The following TMC5 variants were observed in gnomAD, a reference collection of about 807,000 sequenced individuals.
The protein encoded by TMC5 is transmembrane channel like 5.
A neutral mutation model predicts 110.5 loss-of-function variants in TMC5; 86 were observed. The ratio of observed to expected loss-of-function variants is 0.78; its 90% confidence interval spans 0.65 to 0.93. The LOEUF (loss-of-function observed/expected upper bound fraction) is 0.93, where lower values mean the gene tolerates loss of function less well. Among genes scored for constraint, TMC5 ranks in the 40% least tolerant of loss-of-function variants. The pLI is 0.00. For synonymous variants in TMC5, 455 were observed against 439.5 expected (o/e 1.04, Z -0.44); for missense variants, 1,144 against 1,222.8 (o/e 0.94, Z 0.96).
chr16:19,431,148 C>T (rs1967187484), intron 2 of TMC5, among the ~76,000 whole-genome samples: 1 of 152,148 alleles, frequency 6.6e-6, no homozygotes, highest in South Asian at 2.1e-4. Flanking sequence ...AGGGATCTTA[C>T]ATTATTTACA....
Position 19,449,569 on chromosome 16 carries a change from G to A in TMC5, c.986G>A (p.Gly329Asp), listed in dbSNP as rs780919439. 6.2e-7 allele frequency: 1 copy of A among 1,614,090 alleles called. No individual in the cohort carries two copies. The highest frequency in any genetic ancestry group is 2.2e-5 in the East Asian group (1 of 44,878). The change falls in exon 5 of 22, where the codon GGT becomes GAT. Residue 329 changes from glycine (G) to aspartate (D), a missense_variant. Coordinates refer to ENST00000542583, the MANE Select transcript of TMC5 (RefSeq NM_001261841.2). ...AACCCTGCTTATGTAGGTGAAAGTG[G>A]TCCTGTCCATGCTTATGGAAACCCA... Reference protein sequence around the residue: ...YVNPAYVGESGPVHAYGNPPL... With the variant: ...YVNPAYVGESDPVHAYGNPPL...
At chr16:19,457,486 T>C (rs560015123) in intron 5 of TMC5, among the ~76,000 whole-genome samples, 1 of 152,184 alleles carries the variant, frequency 6.6e-6, no homozygotes, top group African/African-American at 2.4e-5. Flanking sequence ...ATTTAAGACA[T>C]CCCTAACAAG....
chr16:19,497,996 A>G lies in TMC5; in HGVS notation c.*30A>G, dbSNP rs1417530276. The G allele has an allele frequency of 6.2e-7, 1 of 1,605,764 alleles. No homozygotes were observed. Among genetic ancestry groups the G allele is most frequent in the Non-Finnish European group, 8.5e-7 (1 of 1,172,438 alleles). On this transcript the variant is annotated 3_prime_UTR_variant, in exon 22 of 22. Transcript: ENST00000542583. ...TCTTTTGGTAACCAGACACCAATCA[A>G]ATAAGGGGAGGAGACGAAAATGGAA...
intron 2 of TMC5, among the ~76,000 whole-genome samples, chr16:19,436,728 G>A (rs1398423818): frequency 6.6e-6 from 1 of 152,136 alleles, no homozygotes; most frequent in Non-Finnish European, 1.5e-5. Flanking sequence ...TTCAGGTTTG[G>A]CTGGATTCAG....
intron 5 of TMC5, among the ~76,000 whole-genome samples, chr16:19,454,876 C>T (rs1415758642): frequency 6.6e-6 from 1 of 152,184 alleles, no homozygotes. Context: ...CAATGGTTCA[C>T]ACCTGTAATC....
At chr16:19,484,066 G>C (rs558272591) in intron 15 of TMC5, among the ~76,000 whole-genome samples, 100 of 146,242 alleles carry the variant, frequency 6.8e-4, no homozygotes, top group African/African-American at 2.5e-3. Context: ...TGGGCGACAA[G>C]AGTGAAACTC....
At chr16:19,411,389 A>T (rs1253010526) in intron 1 of TMC5, 1 of 152,110 alleles carries the variant, frequency 6.6e-6, no homozygotes. Flanking sequence ...TAAATGTTAG[A>T]TGTTGTTATT....
At position 19,481,804 on chromosome 16, in the gene TMC5, C is replaced by A. The variant is rs570793465; in HGVS notation, c.2363+339C>A. On this transcript the variant is annotated intron_variant, in intron 15 of 21. Transcript: ENST00000542583. The stretch of plus-strand genomic sequence containing the variant: ...CTCCCCTCAAATTCATATGTTGAAA[C>A]CTTACTTCCAATGTGATGGAGGTGG... Among the ~76,000 whole-genome samples, 13 of 152,222 alleles carry A rather than the reference C, an allele frequency of 8.5e-5. 1 individual carries two copies. In the South Asian group the frequency reaches 2.3e-3, roughly 27 times the overall value.
At chr16:19,484,855 AAC>A (rs1471900652) in intron 15 of TMC5, among the ~76,000 whole-genome samples, 2 of 151,966 alleles carry the variant, frequency 1.3e-5, no homozygotes, top group African/African-American at 4.8e-5. Context: ...CACCATCAAA[AAC>A]ACATCTTTTT....
rs746959377 is a variant in TMC5, at chr16:19,440,051, T to C, written c.13T>C (p.Tyr5His). ...AGTCCATACCAACATGTCTGCCTAC[T>C]ACAGGAATAACTGGTCTGAGGAAGA... MSAY[Y>H]RNNWSEEDPD... The change falls in exon 3 of 22, where the codon TAC becomes CAC. Residue 5 changes from tyrosine (Y) to histidine (H), a missense_variant. Transcript: ENST00000542583. 2 of 1,613,442 alleles carry C rather than the reference T, an allele frequency of 1.2e-6. No individual in the cohort carries two copies. Among genetic ancestry groups the C allele is most frequent in the Non-Finnish European group, 1.7e-6 (2 of 1,179,670 alleles).
At position 19,440,666 on chromosome 16, in the gene TMC5, G is replaced by C; in HGVS notation, c.628G>C (p.Ala210Pro). 6.2e-7 allele frequency: 1 copy of C among 1,614,154 alleles called. No individual in the cohort carries two copies. The highest frequency in any genetic ancestry group is 8.5e-7 in the Non-Finnish European group (1 of 1,180,020). The change falls in exon 3 of 22, where the codon GCT becomes CCT. Residue 210 changes from alanine to proline, a missense_variant. Transcript: ENST00000542583. ...TCTGGGAAAGCCTGATTATCCAGGC[G>C]CTGACATTCAACCTAACTCTCCACC... is the stretch of plus-strand genomic sequence containing the variant. The part of the protein sequence containing the change: ...DSLGKPDYPG[A>P]DIQPNSPPFF...
At chr16:19,456,383 T>A (rs1203166418) in intron 5 of TMC5, 2 of 891,128 alleles carry the variant, frequency 2.2e-6, no homozygotes, top group African/African-American at 1.8e-5. Flanking sequence ...ATATCTTCCT[T>A]CTGTTTCTAG....
At chr16:19,448,664 ATT>A (rs955454327) in intron 4 of TMC5, among the ~76,000 whole-genome samples, 1 of 135,046 alleles carries the variant, frequency 7.4e-6, no homozygotes, top group African/African-American at 2.8e-5. Flanking sequence ...TTTATATTAT[ATT>A]TTATATTAAA....
chr16:19,469,689 A>C lies in TMC5; in HGVS notation c.1646A>C (p.Lys549Thr). 6.2e-7 allele frequency: 1 copy of C among 1,614,072 alleles called. No homozygotes were observed. The highest frequency in any genetic ancestry group is 8.5e-7 in the Non-Finnish European group (1 of 1,179,924). Residue 549 changes from lysine (K) to threonine (T), a missense_variant, in exon 10 of 22, where the codon AAG becomes ACG. By Grantham distance (78) the Lys-to-Thr change is moderately conservative. Coordinates refer to ENST00000542583, the MANE Select transcript of TMC5 (RefSeq NM_001261841.2). ...CFFSLLFSMA[K>T]YFRNNFINPH... is the part of the protein sequence containing the mutation. ...CTTTCTGCCTTCTCTAGCATGGCCA[A>C]GTATTTCCGGAACAACTTCATTAAT...
chr16:19,479,289 G>A, intron 13 of TMC5, 142 bp from the exon 14 acceptor site: 3 of 722,494 alleles, frequency 4.2e-6, no homozygotes, highest in South Asian at 3.1e-5. Flanking sequence ...TTTCAGAGTG[G>A]GTCTACTTTT....
At chr16:19,457,074 C>T in intron 5 of TMC5, 7 of 1,432,442 alleles carry the variant, frequency 4.9e-6, no homozygotes, top group Admixed American at 2.0e-5. Context: ...TCCTCGTTGT[C>T]CACAGCATAT....
At chr16:19,443,943 G>A (rs1967550222) in intron 3 of TMC5, 138 bp from the exon 4 acceptor site, 1 of 818,336 alleles carries the variant, frequency 1.2e-6, no homozygotes, top group Non-Finnish European at 1.9e-6. Flanking sequence ...ATGGATGGAT[G>A]GATGGATGGA....
At chr16:19,459,265 G>A (rs1386477823) in intron 5 of TMC5, among the ~76,000 whole-genome samples, 1 of 152,076 alleles carries the variant, frequency 6.6e-6, no homozygotes, top group Non-Finnish European at 1.5e-5. Context: ...GAGGGAGGCA[G>A]GTAGATTCCT....
chr16:19,497,177 CTG>C lies in TMC5; in HGVS notation c.2974+15_2974+16del. ...ATGGCAGTCTTGGTGAGTAATTAAA[CTG>C]GGACAGAATAAGACACTAATTTATT... On this transcript the variant is annotated intron_variant, in intron 21 of 21. Transcript: ENST00000542583. The C allele has an allele frequency of 6.2e-7, 1 of 1,611,826 alleles. No homozygotes were observed. The highest frequency in any genetic ancestry group is 1.1e-5 in the South Asian group (1 of 91,016).
Sources: gnomAD v4.1 joint callset for allele counts (sites outside exome capture counted in the v4.1 genomes callset) on GRCh38, gnomAD v4.1.1 for gene constraint, MANE v1.5 for transcripts, NCBI Gene and HGNC (gene_info 2026-07-23, HGNC 2026-07-21) for gene names.